TMEM132D: variants seen among roughly 807,000 people sequenced by gnomAD.
TMEM132D encodes mature OL transmembrane protein.
TMEM132D carries 21 observed loss-of-function variants against 62.3 expected under a neutral mutation model. The ratio of observed to expected loss-of-function variants is 0.34; its 90% CI spans 0.24 to 0.49. The LOEUF (loss-of-function observed/expected upper bound fraction) is 0.49. Ranked by LOEUF, TMEM132D falls within the 20% of genes least tolerant of loss-of-function variation. The pLI is 0.99. For synonymous variants in TMEM132D, 621 were observed against 575.6 expected (o/e 1.08, Z -1.13); for missense variants, 1,346 against 1,402.8 (o/e 0.96, Z 0.65).
At position 129,538,512 on chromosome 12, in the gene TMEM132D, G is replaced by C. The variant is rs11060414; in HGVS notation, c.969-7307C>G. On this transcript the variant is annotated intron_variant, in intron 2 of 8. Transcript: ENST00000422113. ...AGGATACAGTCCAAGACCCCCAGTG[G>C]ATGTATGAAACCATGGATAGTACTA... is the stretch of plus-strand genomic sequence containing the variant. Among the ~76,000 whole-genome samples the C allele has an allele frequency of 5.9e-5, 9 of 152,280 alleles. No homozygotes were observed. In the East Asian group the frequency reaches 1.7e-3, roughly 29 times the overall value.
chr12:129,809,420 G>A lies in TMEM132D; in HGVS notation c.79+93841C>T, dbSNP rs543582458. On this transcript the variant is annotated intron_variant, in intron 1 of 8. Coordinates refer to ENST00000422113, the MANE Select transcript of TMEM132D (RefSeq NM_133448.3). ...AAATCACTCCAAGGGGAAGGAACAC[G>A]GGAGCCGGGATGGACACCCTGGGGT... Among the ~76,000 whole-genome samples, 12 of 152,148 alleles carry A rather than the reference G, an allele frequency of 7.9e-5. No individual in the cohort carries two copies. In the East Asian group the frequency reaches 1.9e-3, roughly 25 times the overall value.
At chr12:129,784,532 G>C (rs549298828) in intron 1 of TMEM132D, among the ~76,000 whole-genome samples, 1 of 152,174 alleles carries the variant, frequency 6.6e-6, no homozygotes, top group Non-Finnish European at 1.5e-5. Context: ...TAGGGCTAAG[G>C]TAAGCCCATT....
At chr12:129,137,056 C>T (rs1876594910) in intron 5 of TMEM132D, among the ~76,000 whole-genome samples, 1 of 150,816 alleles carries the variant, frequency 6.6e-6, no homozygotes, top group South Asian at 2.1e-4. Context: ...CCATCATCGC[C>T]GTCATCATTA....
At chr12:129,170,538 A>G (rs1277701672) in intron 5 of TMEM132D, among the ~76,000 whole-genome samples, 1 of 152,142 alleles carries the variant, frequency 6.6e-6, no homozygotes, top group Non-Finnish European at 1.5e-5. Context: ...AAAATATCTT[A>G]TTGAGGGCCA....
intron 3 of TMEM132D, among the ~76,000 whole-genome samples, chr12:129,429,609 G>C (rs1872596564): frequency 6.7e-6 from 1 of 149,082 alleles, no homozygotes; most frequent in Admixed American, 6.7e-5. Context: ...TATACTTTAA[G>C]TTTTAGGGTA....
At chr12:129,832,055 T>A (rs1272685363) in intron 1 of TMEM132D, among the ~76,000 whole-genome samples, 4 of 123,742 alleles carry the variant, frequency 3.2e-5, no homozygotes, top group Non-Finnish European at 5.4e-5. Context: ...TTTTTTTTTT[T>A]TTTTTTGTAT....
chr12:129,358,600 A>C (rs899425101), intron 3 of TMEM132D, among the ~76,000 whole-genome samples: 18 of 152,158 alleles, frequency 1.2e-4, no homozygotes, highest in African/African-American at 4.3e-4. Flanking sequence ...GGGAGGTGGG[A>C]GGTGGACATT....
chr12:129,255,402 C>T (rs113431607), intron 4 of TMEM132D, among the ~76,000 whole-genome samples: 4 of 152,288 alleles, frequency 2.6e-5, no homozygotes, highest in African/African-American at 9.6e-5. Flanking sequence ...CAAGGTTTGA[C>T]CCAGTGGCTG....
chr12:129,773,403 G>A (rs1433719336), intron 1 of TMEM132D, among the ~76,000 whole-genome samples: 1 of 152,120 alleles, frequency 6.6e-6, no homozygotes, highest in African/African-American at 2.4e-5. Flanking sequence ...TAAGGGTGGT[G>A]GTGGTGATTT....
At chr12:129,643,873 TCTCA>T (rs1879703244) in intron 2 of TMEM132D, among the ~76,000 whole-genome samples, 1 of 145,728 alleles carries the variant, frequency 6.9e-6, no homozygotes, top group Non-Finnish European at 1.5e-5. Context: ...TGAGACAGAG[TCTCA>T]CTCTGTCACC....
At chr12:129,471,209 CTT>C (rs3046077) in intron 3 of TMEM132D, among the ~76,000 whole-genome samples, 10 of 145,832 alleles carry the variant, frequency 6.9e-5, no homozygotes, top group African/African-American at 1.5e-4. Flanking sequence ...GTAGATATTA[CTT>C]TTTTTTTTTT....
chr12:129,773,603 G>A (rs1160835108), intron 1 of TMEM132D, among the ~76,000 whole-genome samples: 2 of 152,132 alleles, frequency 1.3e-5, no homozygotes, highest in Admixed American at 6.5e-5. Context: ...TTGCGTGTCT[G>A]GAGGGTATAT....
intron 1 of TMEM132D, among the ~76,000 whole-genome samples, chr12:129,738,265 A>G (rs745565374): frequency 1.3e-5 from 2 of 152,186 alleles, no homozygotes; most frequent in Non-Finnish European, 2.9e-5. Flanking sequence ...AGCTGCCTCC[A>G]CAGTGCACAC....
At position 129,827,680 on chromosome 12, in the gene TMEM132D, G is replaced by C. The variant is rs1364985626; in HGVS notation, c.79+75581C>G. On this transcript the variant is annotated intron_variant, in intron 1 of 8. Transcript: ENST00000422113. This position sits in a 1 kb window ranked among gnomAD's most constrained non-coding sequence, Gnocchi z 9.7. The stretch of plus-strand genomic sequence containing the variant: ...ATCCTTAACAAACAAATTCCAGCAA[G>C]TCTCAAGTGTAAAAAGGTGTCTGAG... 6.6e-6 allele frequency among the ~76,000 whole-genome samples: 1 copy of C among 152,140 alleles called. No individual in the cohort carries two copies. Among genetic ancestry groups the C allele is most frequent in the African/African-American group, 2.4e-5 (1 of 41,416 alleles).
chr12:129,185,966 T>C (rs781001695), intron 5 of TMEM132D, among the ~76,000 whole-genome samples: 2 of 152,168 alleles, frequency 1.3e-5, no homozygotes, highest in Non-Finnish European at 2.9e-5. Flanking sequence ...AAACCTCTAG[T>C]TTGAGTTGCC....
chr12:129,295,790 T>A (rs1881559902), intron 4 of TMEM132D, among the ~76,000 whole-genome samples: 1 of 152,196 alleles, frequency 6.6e-6, no homozygotes, highest in Admixed American at 6.5e-5. Context: ...TTATACACTT[T>A]AAATCATCTC....
chr12:129,852,404 C>T (rs915849708), intron 1 of TMEM132D: 3 of 152,088 alleles, frequency 2.0e-5, no homozygotes, highest in Admixed American at 6.6e-5. Flanking sequence ...ATTAGCTGGG[C>T]TTGGTGATGC....
chr12:129,206,139 A>G (rs1878841527), intron 5 of TMEM132D, among the ~76,000 whole-genome samples: 1 of 152,220 alleles, frequency 6.6e-6, no homozygotes, highest in African/African-American at 2.4e-5. Context: ...TGCAGAGCAA[A>G]GGAAACTCAA....
At chr12:129,354,550 C>A (rs538517592) in intron 3 of TMEM132D, among the ~76,000 whole-genome samples, 96 of 152,192 alleles carry the variant, frequency 6.3e-4, no homozygotes, top group East Asian at 1.2e-3. Flanking sequence ...TCTCAAACTC[C>A]TGACTTTGTG....
Sources: allele counts gnomAD v4.1 joint callset (sites outside exome capture counted in the v4.1 genomes callset), GRCh38; gene constraint gnomAD v4.1.1; non-coding constraint Gnocchi (gnomAD v3.1); transcripts MANE v1.5; gene names NCBI Gene and HGNC (gene_info 2026-07-23, HGNC 2026-07-21).